The following CCDC171 variants were observed in gnomAD, a reference collection of about 807,000 sequenced individuals.
CCDC171 encodes the protein coiled-coil domain containing 171.
Under a neutral mutation model 168.2 loss-of-function variants are expected in CCDC171, and 177 were observed. The ratio of observed to expected loss-of-function variants is 1.05; its 90% confidence interval spans 0.93 to 1.19. The LOEUF (loss-of-function observed/expected upper bound fraction) is 1.19. Ranked by LOEUF, CCDC171 falls within the 50% of genes most tolerant of loss-of-function variation. CCDC171 has a pLI of 0.00. For missense variants in CCDC171, 1,991 were observed against 1,539.0 expected (o/e 1.29, Z -4.91); for synonymous variants, 687 against 540.8 (o/e 1.27, Z -3.75).
intron 6 of CCDC171, among the ~76,000 whole-genome samples, chr9:15,614,487 A>C (rs1466753832): frequency 1.3e-5 from 2 of 152,272 alleles, no homozygotes; most frequent in Non-Finnish European, 2.9e-5. Context: ...GGATTACTGC[A>C]AGTTTTTGGT....
chr9:15,787,820 T>C (rs2058047705), intron 21 of CCDC171, among the ~76,000 whole-genome samples: 1 of 152,210 alleles, frequency 6.6e-6, no homozygotes. Context: ...AGATATGTCC[T>C]TGTTACTTTA....
intron 7 of CCDC171, among the ~76,000 whole-genome samples, chr9:15,626,465 C>G (rs1165705742): frequency 1.3e-5 from 2 of 152,084 alleles, no homozygotes; most frequent in Non-Finnish European, 1.5e-5. Flanking sequence ...ATAAAGAGCT[C>G]TTATTGTTTT....
At chr9:15,565,236 C>T (rs968627026) in intron 2 of CCDC171, among the ~76,000 whole-genome samples, 31 of 152,032 alleles carry the variant, frequency 2.0e-4, no homozygotes, top group Non-Finnish European at 3.7e-4. Context: ...TTATAGGCGC[C>T]TGCTGCCACG....
intron 24 of CCDC171, among the ~76,000 whole-genome samples, chr9:15,906,220 A>T (rs9407676): frequency 0.3 from 45,613 of 152,032 alleles, 7,029 homozygotes; most frequent in African/African-American, 0.35. Flanking sequence ...GACACAACCC[A>T]AAAAGAGAAT....
chr9:15,831,706 G>T (rs1361547221), intron 21 of CCDC171, among the ~76,000 whole-genome samples: 1 of 152,006 alleles, frequency 6.6e-6, no homozygotes, highest in Non-Finnish European at 1.5e-5. Context: ...AACAGAGAGG[G>T]TTCTTATTAA....
chr9:15,809,471 G>C (rs1012507797), intron 21 of CCDC171, among the ~76,000 whole-genome samples: 2 of 152,194 alleles, frequency 1.3e-5, no homozygotes, highest in South Asian at 4.1e-4. Flanking sequence ...TAAAGATGGT[G>C]TGTCTGGAGT....
At chr9:16,003,973 C>T (rs188864604) in intron 3 of CCDC171, among the ~76,000 whole-genome samples, 1 of 152,278 alleles carries the variant, frequency 6.6e-6, no homozygotes, top group East Asian at 1.9e-4. Flanking sequence ...GCACAAGCAC[C>T]CCACAGGGAC....
chr9:15,948,094 C>T (rs10810495), intron 25 of CCDC171, among the ~76,000 whole-genome samples: 46,165 of 149,964 alleles, frequency 0.31, 9,023 homozygotes, highest in East Asian at 0.64. Flanking sequence ...TTTGTTCTTG[C>T]GATAGTTTAC....
chr9:15,695,158 G>T, intron 10 of CCDC171, 77 bp from the exon 11 acceptor site: 1 of 854,328 alleles, frequency 1.2e-6, no homozygotes, highest in South Asian at 1.4e-5. Flanking sequence ...TTATACTTGT[G>T]TTATATATGT....
At chr9:15,555,090 G>T (rs2038679894) in intron 1 of CCDC171, among the ~76,000 whole-genome samples, 1 of 152,094 alleles carries the variant, frequency 6.6e-6, no homozygotes, top group African/African-American at 2.4e-5. Context: ...TAGTGGCTCC[G>T]AAATCTAAAG....
chr9:15,761,425 T>TAA (rs1225408038), intron 18 of CCDC171, among the ~76,000 whole-genome samples: 1 of 152,108 alleles, frequency 6.6e-6, no homozygotes, highest in African/African-American at 2.4e-5. Context: ...TATTGAATCT[T>TAA]AAAAAAATTA....
At chr9:15,663,513 C>T (rs1183289863) in intron 8 of CCDC171, among the ~76,000 whole-genome samples, 4 of 151,874 alleles carry the variant, frequency 2.6e-5, no homozygotes, top group Admixed American at 6.6e-5. Context: ...ATACTATATA[C>T]GCTGATGTGG....
At chr9:15,660,230 CT>C (rs1232197897) in intron 8 of CCDC171, among the ~76,000 whole-genome samples, 2 of 152,182 alleles carry the variant, frequency 1.3e-5, no homozygotes, top group Non-Finnish European at 2.9e-5. Context: ...AACTTACATA[CT>C]TTTCTTTAAG....
At chr9:15,755,387 A>T (rs2056040816) in intron 18 of CCDC171, among the ~76,000 whole-genome samples, 1 of 152,228 alleles carries the variant, frequency 6.6e-6, no homozygotes, top group Admixed American at 6.5e-5. Context: ...AAAGTTAAGC[A>T]TAGAGTTATC....
intron 25 of CCDC171, among the ~76,000 whole-genome samples, chr9:15,961,334 T>G (rs2132640994): frequency 6.6e-6 from 1 of 152,324 alleles, no homozygotes; most frequent in African/African-American, 2.4e-5. Context: ...GTCAGAAAAC[T>G]TTTGCCTAAT....
chr9:15,797,422 C>T (rs990571603), intron 21 of CCDC171, among the ~76,000 whole-genome samples: 3 of 151,936 alleles, frequency 2.0e-5, no homozygotes, highest in Non-Finnish European at 4.4e-5. Flanking sequence ...CTCCATGTTG[C>T]CCAGGCTGGT....
Position 15,794,390 on chromosome 9 carries a change from G to A in CCDC171, c.3267+9696G>A, listed in dbSNP as rs539065376. On this transcript the variant is annotated intron_variant, in intron 21 of 25. Coordinates refer to ENST00000380701, the MANE Select transcript of CCDC171 (RefSeq NM_173550.4). ...TGAGGCAGGAGAATCACTTGAACCC[G>A]GGAGGCAGAGGTTGTAGTGAGCCTA... Among the ~76,000 whole-genome samples the A allele has an allele frequency of 4.5e-3, 689 of 152,152 alleles. 3 individuals carry two copies. Among genetic ancestry groups the A allele is most frequent in the African/African-American group, 0.016 (663 of 41,496 alleles).
At chr9:15,757,828 T>A (rs1427328357) in intron 18 of CCDC171, among the ~76,000 whole-genome samples, 4 of 152,180 alleles carry the variant, frequency 2.6e-5, no homozygotes. Flanking sequence ...GTCCATGGCT[T>A]CAGAGGTGCA....
chr9:15,833,507 C>A (rs556076081), intron 21 of CCDC171, among the ~76,000 whole-genome samples: 38 of 152,230 alleles, frequency 2.5e-4, no homozygotes, highest in African/African-American at 8.4e-4. Context: ...TCTTTCATTT[C>A]TTTAAATAAT....
Sources: gnomAD v4.1 joint callset for allele counts (sites outside exome capture counted in the v4.1 genomes callset) on GRCh38, gnomAD v4.1.1 for gene constraint, MANE v1.5 for transcripts, NCBI Gene and HGNC (gene_info 2026-07-23, HGNC 2026-07-21) for gene names.